DNAH7: variants seen among roughly 807,000 people sequenced by gnomAD.
DNAH7 encodes the protein dynein axonemal heavy chain 7, also known as axonemal beta dynein heavy chain 7.
Under a neutral mutation model 444.6 loss-of-function variants are expected in DNAH7, and 397 were observed. The ratio of observed to expected loss-of-function variants is 0.89; its 90% CI spans 0.82 to 0.97. DNAH7 has a LOEUF of 0.97. Ranked by LOEUF, DNAH7 falls within the 50% of genes least tolerant of loss-of-function variation. DNAH7 has a pLI of 0.00. For missense variants in DNAH7, 4,902 were observed against 4,800.8 expected (o/e 1.02, Z -0.62); for synonymous variants, 1,636 against 1,624.4 (o/e 1.01, Z -0.17).
chr2:195,821,392 C>G (rs1697464065), intron 49 of DNAH7, among the ~76,000 whole-genome samples: 1 of 152,118 alleles, frequency 6.6e-6, no homozygotes, highest in East Asian at 1.9e-4. Flanking sequence ...GTGGGCAGGT[C>G]TTTGCAAACC....
At chr2:196,001,463 C>T (rs1694031003) in intron 11 of DNAH7, among the ~76,000 whole-genome samples, 1 of 151,970 alleles carries the variant, frequency 6.6e-6, no homozygotes, top group Non-Finnish European at 1.5e-5. Context: ...CTCCTGGACG[C>T]AAGTGCTCCT....
intron 64 of DNAH7, among the ~76,000 whole-genome samples, chr2:195,739,242 T>C (rs1692841249): frequency 1.3e-5 from 2 of 152,364 alleles, no homozygotes; most frequent in South Asian, 4.1e-4. Flanking sequence ...AATTTGGGTC[T>C]TGTATTTTAA....
At chr2:195,782,666 A>C (rs182417469) in intron 58 of DNAH7, among the ~76,000 whole-genome samples, 72 of 152,304 alleles carry the variant, frequency 4.7e-4, no homozygotes, top group African/African-American at 1.6e-3. Flanking sequence ...AAAAAGACAT[A>C]ACACTTTTGA....
chr2:196,031,737 C>T (rs1696070355), intron 5 of DNAH7, among the ~76,000 whole-genome samples: 2 of 152,160 alleles, frequency 1.3e-5, no homozygotes, highest in South Asian at 2.1e-4. Context: ...CTCCAGTTCC[C>T]AACAAGTTCC....
chr2:195,819,396 C>T (rs1391482081), intron 49 of DNAH7, among the ~76,000 whole-genome samples: 1 of 152,186 alleles, frequency 6.6e-6, no homozygotes, highest in Non-Finnish European at 1.5e-5. Context: ...ATGCTCCCTA[C>T]AAACTTATTG....
intron 21 of DNAH7, among the ~76,000 whole-genome samples, chr2:195,932,847 C>T (rs1230630535): frequency 6.6e-6 from 1 of 152,022 alleles, no homozygotes; most frequent in Non-Finnish European, 1.5e-5. Context: ...ATTTTTGCAT[C>T]GATGTTCATC....
chr2:195,846,947 A>ATGTGTGTGTGTGTGTGTGTG (rs1315064692), intron 46 of DNAH7, among the ~76,000 whole-genome samples: 2 of 108,874 alleles, frequency 1.8e-5, no homozygotes, highest in African/African-American at 1.1e-4. Context: ...AAACTCCCAT[A>ATGTGTGTGTGTGTGTGTGTG]TATGTGTGTG....
chr2:196,041,142 C>T (rs978540268), intron 5 of DNAH7, among the ~76,000 whole-genome samples: 12 of 151,940 alleles, frequency 7.9e-5, no homozygotes, highest in African/African-American at 2.7e-4. Flanking sequence ...GCAATCTATA[C>T]ATTCAATACA....
intron 22 of DNAH7, among the ~76,000 whole-genome samples, 157 bp downstream of exon 22, chr2:195,926,269 T>G (rs993593405): frequency 2.0e-5 from 3 of 152,220 alleles, no homozygotes; most frequent in African/African-American, 7.2e-5. Flanking sequence ...ATATTTGTTA[T>G]GTGCAATTTT....
intron 2 of DNAH7, among the ~76,000 whole-genome samples, chr2:196,051,641 C>A (rs1697477371): frequency 3.3e-5 from 5 of 152,158 alleles, no homozygotes; most frequent in African/African-American, 1.2e-4. Context: ...GTGGTGGGTG[C>A]CTGTAGTCCC....
chr2:196,039,540 G>A (rs1696598785), intron 5 of DNAH7, among the ~76,000 whole-genome samples: 1 of 152,128 alleles, frequency 6.6e-6, no homozygotes, highest in Non-Finnish European at 1.5e-5. Context: ...GTTCACGCCT[G>A]TAATCCCAGC....
In DNAH7 at chr2:195,805,899, T is replaced by C. The variant is rs192710173; in HGVS notation, c.10176+841A>G. On this transcript the variant is annotated intron_variant, in intron 54 of 64. Transcript: ENST00000312428. Reference sequence around the variant, plus strand: ...CCCCTAACCCATATTATCACTGATGTGTATTTTTAAAAAATTAATACATTA... The same window carrying C: ...CCCCTAACCCATATTATCACTGATGCGTATTTTTAAAAAATTAATACATTA... Among the ~76,000 whole-genome samples the C allele has an allele frequency of 1.1e-4, 17 of 152,348 alleles. No individual in the cohort carries two copies. The East Asian group carries it at 3.3e-3, about 29-fold the overall frequency.
chr2:196,032,916 T>A (rs1207943800), intron 5 of DNAH7, among the ~76,000 whole-genome samples: 1 of 152,060 alleles, frequency 6.6e-6, no homozygotes. Flanking sequence ...TTACACACAA[T>A]GACTAAGTGA....
chr2:195,833,280 A>C (rs1414941750), intron 48 of DNAH7, among the ~76,000 whole-genome samples: 1 of 152,210 alleles, frequency 6.6e-6, no homozygotes, highest in Non-Finnish European at 1.5e-5. Flanking sequence ...CTGTGTGTCT[A>C]TTACATAAAC....
chr2:196,003,600 G>A (rs1375680676), intron 10 of DNAH7, among the ~76,000 whole-genome samples: 4 of 152,168 alleles, frequency 2.6e-5, no homozygotes, highest in African/African-American at 9.7e-5. Context: ...CATTCATAAG[G>A]AAGATATCAC....
intron 31 of DNAH7, 31 bp downstream of exon 31, chr2:195,891,624 A>G (rs1574683638): frequency 2.0e-6 from 3 of 1,509,044 alleles, no homozygotes; most frequent in Non-Finnish European, 2.7e-6. Context: ...TTAACCTTTT[A>G]AGATATGCAT....
At position 195,995,507 on chromosome 2, in the gene DNAH7, G is replaced by A. The variant is rs573041265; in HGVS notation, c.1353+5197C>T. ...TGAAACCATCTGAGAGGTACTGTGA[G>A]CGCCTTTCCTAGCTCTAGGCTTCAC... On this transcript the variant is annotated intron_variant, in intron 12 of 64. Transcript: ENST00000312428. 343 of 314,908 alleles carry A rather than the reference G, an allele frequency of 1.1e-3. 8 individuals are homozygous for A. The highest frequency in any genetic ancestry group is 9.1e-3 in the South Asian group (330 of 36,402). 19.5% of individuals were successfully genotyped at this position (314,908 alleles called of 1,614,324 possible).
rs1266632170 is a variant in DNAH7, at chr2:195,964,589, G to A, written c.2206-3644C>T. Among the ~76,000 whole-genome samples the A allele has an allele frequency of 3.5e-5, 5 of 144,774 alleles. No homozygotes were observed. The East Asian group carries it at 6.0e-4, about 17-fold the overall frequency. The allele number at this position is 144,774 out of a possible 152,430, so 95.0% of individuals were successfully genotyped here. A position where few individuals can be genotyped will look rare whatever the true frequency, so the allele number is the denominator to read the frequency against. ...TTCCAACTACAAGATCATATTGGCC[G>A]GGCACGGTGGCTCACGCCTGTAATC... is the stretch of plus-strand genomic sequence containing the variant. On this transcript the variant is annotated intron_variant, in intron 17 of 64. Transcript: ENST00000312428.
chr2:195,854,388 CTAA>C (rs1466167793), intron 45 of DNAH7, among the ~76,000 whole-genome samples: 5 of 152,052 alleles, frequency 3.3e-5, no homozygotes, highest in African/African-American at 7.2e-5. Context: ...GTGCTTTTTA[CTAA>C]TGTTATTAGC....
Sources: allele counts gnomAD v4.1 joint callset (sites outside exome capture counted in the v4.1 genomes callset), GRCh38; gene constraint gnomAD v4.1.1; transcripts MANE v1.5; gene names NCBI Gene and HGNC (gene_info 2026-07-23, HGNC 2026-07-21).